The following FOXP2 variants were observed in gnomAD, a reference collection of about 807,000 sequenced individuals.
The protein encoded by FOXP2 is forkhead box P2.
Under a neutral mutation model 115.8 loss-of-function variants are expected in FOXP2, and 12 were observed. The observed-to-expected ratio is 0.10, with a 90% CI of 0.07 to 0.17. The LOEUF (loss-of-function observed/expected upper bound fraction) is 0.17. FOXP2 is among the 10% of genes least tolerant of loss of function. The pLI is 1.00. For synonymous variants in FOXP2, 328 were observed against 297.7 expected, an observed-to-expected ratio of 1.10 and a Z score of -1.05; for missense variants, 629 against 843.5, an observed-to-expected ratio of 0.75 and a Z score of 3.15.
chr7:114,291,879 A>G (rs1796602670), intron 2 of FOXP2, among the ~76,000 whole-genome samples: 1 of 140,224 alleles, frequency 7.1e-6, no homozygotes, highest in African/African-American at 2.7e-5. Context: ...TATAGATAAT[A>G]TATAGAATAT....
intron 2 of FOXP2, among the ~76,000 whole-genome samples, chr7:114,378,684 CAAAAAAA>C (rs398005920): frequency 5.5e-5 from 1 of 18,094 alleles, no homozygotes; most frequent in African/African-American, 1.9e-4. Flanking sequence ...ACCCTGTCTC[CAAAAAAA>C]AAAAAAAAAA....
rs1791556769 is a variant in FOXP2 at position 114,121,253 on chromosome 7, TA to T, written c.-247+33416del. On this transcript the variant is annotated intron_variant, in intron 1 of 19. Coordinates refer to the FOXP2 transcript ENST00000635638. ...TTACTCTCTTTCCACCATGTGAGGATACAAAGAGAAGATGGCCGTCTGTAGC... is the reference window on the plus strand; with the variant it reads ...TTACTCTCTTTCCACCATGTGAGGATCAAAGAGAAGATGGCCGTCTGTAGC... Among the ~76,000 whole-genome samples the T allele has an allele frequency of 2.0e-5, 3 of 152,054 alleles. No individual in the cohort carries two copies. The East Asian group carries it at 5.8e-4, about 30-fold the overall frequency.
intron 2 of FOXP2, among the ~76,000 whole-genome samples, chr7:114,492,887 T>G (rs1410499015): frequency 1.3e-5 from 2 of 152,212 alleles, no homozygotes; most frequent in Non-Finnish European, 2.9e-5. Flanking sequence ...ATGTATATTC[T>G]GTTGATTTGG....
At chr7:114,291,257 G>C (rs747704170) in intron 2 of FOXP2, among the ~76,000 whole-genome samples, 1 of 152,114 alleles carries the variant, frequency 6.6e-6, no homozygotes, top group African/African-American at 2.4e-5. Context: ...AAGGGGATGA[G>C]AGAACTCTCT....
chr7:114,208,585 A>G (rs1170337414), intron 1 of FOXP2, among the ~76,000 whole-genome samples: 2 of 151,846 alleles, frequency 1.3e-5, no homozygotes, highest in Non-Finnish European at 2.9e-5. Flanking sequence ...GTGGAATAAC[A>G]TGGTTTGGCT....
At chr7:114,409,256 TTTC>T (rs2129198301) in intron 2 of FOXP2, among the ~76,000 whole-genome samples, 2 of 152,270 alleles carry the variant, frequency 1.3e-5, no homozygotes, top group South Asian at 4.1e-4. Context: ...CTATCTTTGT[TTTC>T]TTCTTATGAG....
chr7:114,219,691 C>T (rs969366068), intron 1 of FOXP2, among the ~76,000 whole-genome samples: 6 of 152,098 alleles, frequency 3.9e-5, no homozygotes, highest in Admixed American at 1.3e-4. Flanking sequence ...CCCTTTTTTA[C>T]TTCTCTAATT....
intron 2 of FOXP2, among the ~76,000 whole-genome samples, chr7:114,450,865 A>G (rs1795043629): frequency 6.6e-6 from 1 of 152,126 alleles, no homozygotes; most frequent in South Asian, 2.1e-4. Context: ...ATCATATTAA[A>G]TAATTAAAAT....
intron 2 of FOXP2, among the ~76,000 whole-genome samples, chr7:114,332,086 CTG>C (rs1157353206): frequency 6.6e-6 from 1 of 151,904 alleles, no homozygotes; most frequent in East Asian, 1.9e-4. Context: ...TGTTTGCTGT[CTG>C]TACCTCTGTG....
chr7:114,329,531 A>C lies in FOXP2; in HGVS notation c.-11+41422A>C, dbSNP rs1162088276. 3.4e-5 allele frequency among the ~76,000 whole-genome samples: 4 copies of C among 118,948 alleles called. No homozygotes were observed. In the East Asian group the frequency reaches 7.1e-4, roughly 21 times the overall value. The allele number at this position is 118,948 out of a possible 152,430, so 78.0% of individuals were successfully genotyped here. A position where few individuals can be genotyped will look rare whatever the true frequency, so the allele number is the denominator to read the frequency against. On this transcript the variant is annotated intron_variant, in intron 2 of 17. Transcript: ENST00000634411. Reference sequence around the variant, plus strand: ...TGAAACTCCATCTCGGAAAAAAAAAAAAGAAAAAAAAAAGGAAATTGTGTT... The same window carrying C: ...TGAAACTCCATCTCGGAAAAAAAAACAAGAAAAAAAAAAGGAAATTGTGTT...
chr7:114,286,275 C>T (rs1796465288), intron 1 of FOXP2, among the ~76,000 whole-genome samples: 2 of 151,846 alleles, frequency 1.3e-5, no homozygotes, highest in Admixed American at 1.3e-4. Context: ...CTTTTTAGTA[C>T]ATGTTAATAT....
At chr7:114,097,970 TC>T (rs747850676) in intron 1 of FOXP2, among the ~76,000 whole-genome samples, 1 of 152,190 alleles carries the variant, frequency 6.6e-6, no homozygotes, top group Non-Finnish European at 1.5e-5. Flanking sequence ...TTTCTAATCT[TC>T]CGCCCAAGTC....
In FOXP2 at chr7:114,396,477, A is replaced by G. The variant is rs148784088; in HGVS notation, c.-10-30025A>G. 1.5e-3 allele frequency among the ~76,000 whole-genome samples: 222 copies of G among 152,204 alleles called. 1 individual carries two copies. The highest frequency in any genetic ancestry group is 5.1e-3 in the African/African-American group (210 of 41,562). Reference sequence around the variant, plus strand: ...ACATAGGAGTGCACATCTCTCTTCAACATACTGATTTCATTTTCTTTGGGC... The same window carrying G: ...ACATAGGAGTGCACATCTCTCTTCAGCATACTGATTTCATTTTCTTTGGGC... On this transcript the variant is annotated intron_variant, in intron 2 of 17. Coordinates refer to the FOXP2 transcript ENST00000634411.
chr7:114,218,473 G>A (rs1220348710), intron 1 of FOXP2, among the ~76,000 whole-genome samples: 1 of 152,062 alleles, frequency 6.6e-6, no homozygotes, highest in Non-Finnish European at 1.5e-5. Context: ...AGTAGCATGT[G>A]CAAAAAATGC....
rs1795428747 is a variant in FOXP2 at position 114,251,021 on chromosome 7, C to A, written c.-101-36998C>A. Among the ~76,000 whole-genome samples the A allele has an allele frequency of 2.6e-5, 4 of 152,296 alleles. No homozygotes were observed. The South Asian group carries it at 8.3e-4, about 32-fold the overall frequency. On this transcript the variant is annotated intron_variant, in intron 1 of 17. Coordinates refer to the FOXP2 transcript ENST00000634411. ...GTTTCAGCTTTCTACATATGGCTAG[C>A]CAGTTTTCCCAGCACCATTTATTAA...
At chr7:114,175,847 T>C (rs960714634) in intron 1 of FOXP2, among the ~76,000 whole-genome samples, 3 of 152,184 alleles carry the variant, frequency 2.0e-5, no homozygotes, top group Non-Finnish European at 4.4e-5. Flanking sequence ...TTTTGAGATA[T>C]TCTAAACATA....
chr7:114,271,991 T>C (rs1758041313), intron 1 of FOXP2, among the ~76,000 whole-genome samples: 2 of 135,132 alleles, frequency 1.5e-5, no homozygotes, highest in Admixed American at 8.2e-5. Context: ...ATATATAATA[T>C]ATAATATGTA....
chr7:114,613,103 G>A (rs1201834972), intron 3 of FOXP2, among the ~76,000 whole-genome samples: 2 of 151,886 alleles, frequency 1.3e-5, no homozygotes, highest in East Asian at 3.9e-4. Flanking sequence ...CATTATTCTT[G>A]GAAAATATTT....
rs35933398 is a variant in FOXP2 at position 114,495,483 on chromosome 7, C to CTTTTTTTTTTTTTTTTT, written c.169-39120_169-39104dup. 1.1e-3 allele frequency among the ~76,000 whole-genome samples: 68 copies of CTTTTTTTTTTTTTTTTT among 61,466 alleles called. 6 individuals are homozygous for CTTTTTTTTTTTTTTTTT. The highest frequency in any genetic ancestry group is 4.5e-3 in the East Asian group (7 of 1,564). The allele number at this position is 61,466 out of a possible 152,430, so 40.3% of individuals were successfully genotyped here. A position where few individuals can be genotyped will look rare whatever the true frequency, so the allele number is the denominator to read the frequency against. ...TTCTTTGTTTTTTCTTTCTCTCTCT[C>CTTTTTTTTTTTTTTTTT]TTTTTTTTTTTTTTTTTTTTTTTTT... On this transcript the variant is annotated intron_variant, in intron 2 of 16. Coordinates refer to ENST00000350908, the MANE Select transcript of FOXP2 (RefSeq NM_014491.4).
Sources: allele counts gnomAD v4.1 joint callset (sites outside exome capture counted in the v4.1 genomes callset), GRCh38; gene constraint gnomAD v4.1.1; transcripts MANE v1.5; gene names NCBI Gene and HGNC (gene_info 2026-07-23, HGNC 2026-07-21).